The following OR9Q1 variants were observed in gnomAD, a reference collection of about 807,000 sequenced individuals.
The protein encoded by OR9Q1 is olfactory receptor 9Q1.
For missense variants in OR9Q1, 374 were observed against 378.8 expected (o/e 0.99, Z 0.11); for synonymous variants, 153 against 148.6 (o/e 1.03, Z -0.22).
At chr11:58,155,861 T>A (rs1199188843) in intron 2 of OR9Q1, among the ~76,000 whole-genome samples, 2 of 152,172 alleles carry the variant, frequency 1.3e-5, no homozygotes, top group East Asian at 3.8e-4. Flanking sequence ...TTTTTAGCAT[T>A]TTTTATAATT....
chr11:58,114,958 C>A (rs1001191408), intron 2 of OR9Q1, among the ~76,000 whole-genome samples: 1 of 152,110 alleles, frequency 6.6e-6, no homozygotes, highest in East Asian at 1.9e-4. Context: ...GGAAGCCTGG[C>A]TGAACTCCTC....
chr11:58,142,649 A>T (rs892658218), intron 2 of OR9Q1, among the ~76,000 whole-genome samples: 4 of 152,182 alleles, frequency 2.6e-5, no homozygotes, highest in African/African-American at 9.6e-5. Context: ...TGTTTCAAGG[A>T]TGGAAAGAGG....
chr11:58,126,138 A>G (rs1280288129), intron 2 of OR9Q1, among the ~76,000 whole-genome samples: 1 of 152,082 alleles, frequency 6.6e-6, no homozygotes, highest in African/African-American at 2.4e-5. Context: ...TTAAAGATCT[A>G]TTTCCAGGGT....
intron 2 of OR9Q1, among the ~76,000 whole-genome samples, chr11:58,178,408 G>C (rs1201513490): frequency 1.3e-5 from 2 of 152,112 alleles, no homozygotes; most frequent in South Asian, 4.1e-4. Context: ...TTTAACAGGG[G>C]AATCAGATGT....
intron 2 of OR9Q1, among the ~76,000 whole-genome samples, chr11:58,093,526 C>T (rs1342658891): frequency 3.3e-5 from 5 of 151,802 alleles, no homozygotes; most frequent in Non-Finnish European, 5.9e-5. Flanking sequence ...TTTGGGAGAC[C>T]GAGGCAGGCA....
intron 1 of OR9Q1, among the ~76,000 whole-genome samples, chr11:58,025,128 C>T (rs1852958857): frequency 6.6e-6 from 1 of 152,120 alleles, no homozygotes; most frequent in African/African-American, 2.4e-5. Context: ...GGGATTAAGC[C>T]AGATGGTATC....
At chr11:58,053,612 A>AAAATATATATATAAAAT (rs1565062041) in intron 1 of OR9Q1, among the ~76,000 whole-genome samples, 9 of 94,778 alleles carry the variant, frequency 9.5e-5, no homozygotes, top group African/African-American at 3.9e-4. Context: ...AAAATTAAAA[A>AAAATATATATATAAAAT]ATATATATAT....
rs1469433237 is a variant in OR9Q1 at position 58,181,463 on chromosome 11, C to G, written c.*1086C>G. 6.0e-6 allele frequency: 1 copy of G among 166,306 alleles called. No homozygotes were observed. Among genetic ancestry groups the G allele is most frequent in the Admixed American group, 6.6e-5 (1 of 15,202 alleles). The allele number at this position is 166,306 out of a possible 1,614,324, so 10.3% of individuals were successfully genotyped here. A position where few individuals can be genotyped will look rare whatever the true frequency, so the allele number is the denominator to read the frequency against. On this transcript the variant is annotated 3_prime_UTR_variant, in exon 3 of 3. Coordinates refer to ENST00000335397, the MANE Select transcript of OR9Q1 (RefSeq NM_001005212.4). ...ACAGGGGACTTGTCTCAATCAAACC[C>G]AAGGCACTGGAAGAGAGCAGGCCCC...
chr11:58,081,367 C>A (rs1036298336), intron 2 of OR9Q1, among the ~76,000 whole-genome samples: 3 of 152,060 alleles, frequency 2.0e-5, no homozygotes, highest in Non-Finnish European at 4.4e-5. Context: ...GGTATTTCTA[C>A]TTCTAGATCC....
chr11:58,110,196 A>G (rs1853885777), intron 2 of OR9Q1, among the ~76,000 whole-genome samples: 1 of 152,094 alleles, frequency 6.6e-6, no homozygotes, highest in Non-Finnish European at 1.5e-5. Context: ...AGTAAGCTAG[A>G]TTGCTCTTTC....
chr11:58,180,318 A>C lies in OR9Q1; in HGVS notation c.874A>C (p.Arg292=), dbSNP rs372324886. 1.1e-5 allele frequency: 18 copies of C among 1,608,934 alleles called. No individual in the cohort carries two copies. The highest frequency in any genetic ancestry group is 1.5e-5 in the Non-Finnish European group (18 of 1,176,516). The change falls in exon 3 of 3, where the codon AGG becomes CGG. Residue 292 remains arginine (R), a synonymous_variant. Coordinates refer to ENST00000335397, the MANE Select transcript of OR9Q1 (RefSeq NM_001005212.4). The stretch of plus-strand genomic sequence containing the variant: ...GTTGAATCCCCTCATCTACAGCCTG[A>C]GGAACAAGGAAGTGAAGGAGGCCCT... ...PMLNPLIYSL[R]NKEVKEALRK... is the part of the protein sequence containing the mutation.
intron 1 of OR9Q1, among the ~76,000 whole-genome samples, chr11:58,043,569 T>C (rs987324073): frequency 2.6e-5 from 4 of 152,196 alleles, no homozygotes; most frequent in African/African-American, 7.2e-5. Flanking sequence ...TCACAATTGA[T>C]GCTGAAACCA....
chr11:58,056,027 C>T (rs1039197213), intron 2 of OR9Q1, 80 bp downstream of exon 2: 4 of 152,120 alleles, frequency 2.6e-5, no homozygotes, highest in African/African-American at 9.7e-5. Context: ...ACTAAGACAA[C>T]CTTCTTTTAA....
intron 2 of OR9Q1, chr11:58,118,939 C>T (rs778272375): frequency 2.5e-6 from 4 of 1,613,870 alleles, no homozygotes; most frequent in Middle Eastern, 1.6e-4. Flanking sequence ...ATTGTCCTTA[C>T]AGAAGGAGAG....
intron 2 of OR9Q1, among the ~76,000 whole-genome samples, chr11:58,104,433 C>G (rs1463680268): frequency 1.3e-5 from 2 of 151,532 alleles, no homozygotes; most frequent in Non-Finnish European, 2.9e-5. Context: ...CAAATCTTCT[C>G]CAGTACCATC....
chr11:58,144,134 C>T (rs1338783370), intron 2 of OR9Q1, among the ~76,000 whole-genome samples: 2 of 151,028 alleles, frequency 1.3e-5, no homozygotes. Flanking sequence ...ACCATTAACT[C>T]GTCATTTAAC....
chr11:58,062,491 G>A (rs1461511211), intron 2 of OR9Q1, among the ~76,000 whole-genome samples: 1 of 152,090 alleles, frequency 6.6e-6, no homozygotes, highest in East Asian at 1.9e-4. Context: ...TTAACCTCAG[G>A]CAATCTAAAT....
intron 2 of OR9Q1, among the ~76,000 whole-genome samples, chr11:58,074,822 A>G (rs1287192131): frequency 6.6e-6 from 1 of 152,154 alleles, no homozygotes; most frequent in African/African-American, 2.4e-5. Context: ...TTTTCTGCAT[A>G]TGGTTAACCA....
chr11:58,140,115 C>A (rs1183525954), intron 2 of OR9Q1, among the ~76,000 whole-genome samples: 2 of 152,040 alleles, frequency 1.3e-5, no homozygotes, highest in Non-Finnish European at 2.9e-5. Flanking sequence ...TATCCTTCAC[C>A]CGCTTTTTGA....
Sources: gnomAD v4.1 joint callset for allele counts (sites outside exome capture counted in the v4.1 genomes callset) on GRCh38, gnomAD v4.1.1 for gene constraint, MANE v1.5 for transcripts, NCBI Gene and HGNC (gene_info 2026-07-23, HGNC 2026-07-21) for gene names.